ZNF641: variants seen among roughly 807,000 people sequenced by gnomAD.
ZNF641 encodes the protein zinc finger protein 641.
In ZNF641, 26 loss-of-function variants were observed where a neutral mutation model predicts 46.2. The ratio of observed to expected loss-of-function variants is 0.56; its 90% CI spans 0.41 to 0.78. The LOEUF (loss-of-function observed/expected upper bound fraction) is 0.78, where lower values mean the gene tolerates loss of function less well. Among genes scored for constraint, ZNF641 ranks in the 30% least tolerant of loss-of-function variants. ZNF641 has a pLI of 0.00. For missense variants in ZNF641, 469 were observed against 517.8 expected (o/e 0.91, Z 0.91); for synonymous variants, 163 against 187.9 (o/e 0.87, Z 1.09).
chr12:48,340,685 G>C lies in ZNF641; in HGVS notation c.*2288C>G. The stretch of plus-strand genomic sequence containing the variant: ...GCTTTGAACCTGCTAAATGTGTATG[G>C]AAAACTGAGTGAATTACAAATGTCT... On this transcript the variant is annotated 3_prime_UTR_variant, in exon 6 of 6. Coordinates refer to ENST00000547026, the MANE Select transcript of ZNF641 (RefSeq NM_001172681.2). The C allele has an allele frequency of 1.0e-6, 1 of 985,448 alleles. No individual in the cohort carries two copies. Among genetic ancestry groups the C allele is most frequent in the Non-Finnish European group, 1.2e-6 (1 of 829,942 alleles). 61.0% of individuals were successfully genotyped at this position (985,448 alleles called of 1,614,324 possible). A position where few individuals can be genotyped will look rare whatever the true frequency, so the allele number is the denominator to read the frequency against.
chr12:48,351,008 T>TGGGAGGGAGAGGAGTGGGA (rs1376050608), upstream of ZNF641: 1 of 93,452 alleles, frequency 1.1e-5, no homozygotes, highest in Non-Finnish European at 2.1e-5. Context: ...GGGAGAGGAG[T>TGGGAGGGAGAGGAGTGGGA]GGGAGGGAGA....
chr12:48,342,908 C>A lies in ZNF641; in HGVS notation c.*65G>T. ...CCACTGGGGTTCAGGAGAACGGCAG[C>A]CCTGGCAGTGACTCCTGGTAGCACC... On this transcript the variant is annotated 3_prime_UTR_variant, in exon 6 of 6. Coordinates refer to ENST00000547026, the MANE Select transcript of ZNF641 (RefSeq NM_001172681.2). 6.5e-7 allele frequency: 1 copy of A among 1,536,104 alleles called. No homozygotes were observed. Among genetic ancestry groups the A allele is most frequent in the Admixed American group, 1.9e-5 (1 of 51,324 alleles).
chr12:48,345,652 A>T (rs1434582529), intron 3 of ZNF641, among the ~76,000 whole-genome samples, 178 bp from the exon 4 acceptor site: 1 of 152,156 alleles, frequency 6.6e-6, no homozygotes, highest in African/African-American at 2.4e-5. Context: ...AGAGGAGTAA[A>T]GGTAGATGGT....
chr12:48,335,920 G>T (rs187618838), downstream of ZNF641, among the ~76,000 whole-genome samples: 18 of 152,260 alleles, frequency 1.2e-4, no homozygotes, highest in East Asian at 3.5e-3. Flanking sequence ...TCAATTCTTT[G>T]CTTTTCTTTT....
At position 48,340,055 on chromosome 12, in the gene ZNF641, G is replaced by C. The variant is rs578100238; in HGVS notation, c.*2918C>G. On this transcript the variant is annotated 3_prime_UTR_variant, in exon 6 of 6. Transcript: ENST00000547026. ...ACACAGAGATTCTTTTTATTTAAAG[G>C]GGACGGGGTGAAACATGAACATTTG... 1 of 985,296 alleles carries C rather than the reference G, an allele frequency of 1.0e-6. No homozygotes were observed. Among genetic ancestry groups the C allele is most frequent in the African/African-American group, 1.7e-5 (1 of 57,234 alleles). The allele number at this position is 985,296 out of a possible 1,614,324, so 61.0% of individuals were successfully genotyped here.
chr12:48,350,217 A>T (rs964253196), intron 1 of ZNF641: 12 of 1,488,924 alleles, frequency 8.1e-6, no homozygotes, highest in African/African-American at 1.4e-5. Context: ...GTAGCAAGGG[A>T]CCTGCAAAAG....
intron 1 of ZNF641, among the ~76,000 whole-genome samples, chr12:48,348,772 T>A (rs374620799): frequency 6.6e-6 from 1 of 152,110 alleles, no homozygotes; most frequent in South Asian, 2.1e-4. Context: ...TCCAAAGTAA[T>A]CCTAAGAGGT....
chr12:48,347,805 T>C, intron 2 of ZNF641, 102 bp downstream of exon 2: 1 of 1,121,030 alleles, frequency 8.9e-7, no homozygotes. Context: ...GTACAGGTTA[T>C]GCTATTTAGT....
chr12:48,345,449 G>A lies in ZNF641; in HGVS notation c.302C>T (p.Ser101Leu). The A allele has an allele frequency of 6.2e-7, 1 of 1,614,204 alleles. No homozygotes were observed. The highest frequency in any genetic ancestry group is 1.1e-5 in the South Asian group (1 of 91,078). ...CCACTCCTCCTGAGAGAAGCACAGTGACACATCCTTGATGGTTACCAGGCC... is the reference window on the plus strand; with the variant it reads ...CCACTCCTCCTGAGAGAAGCACAGTAACACATCCTTGATGGTTACCAGGCC... ...SQGLVTIKDV[S>L]LCFSQEEWRS... is the part of the protein sequence containing the mutation. Residue 101 changes from serine (S) to leucine (L), a missense_variant, in exon 4 of 6, where the codon TCA (serine) becomes TTA (leucine). Physicochemically the swap from Ser to Leu is moderately radical, Grantham distance 145. Coordinates refer to ENST00000547026, the MANE Select transcript of ZNF641 (RefSeq NM_001172681.2).
chr12:48,347,115 G>T, intron 3 of ZNF641, 137 bp downstream of exon 3: 2 of 1,485,178 alleles, frequency 1.3e-6, no homozygotes, highest in Non-Finnish European at 1.8e-6. Flanking sequence ...CCTTGGAAAG[G>T]GATAGAATCT....
At chr12:48,350,028 AAAG>A in intron 1 of ZNF641, 2 of 1,614,218 alleles carry the variant, frequency 1.2e-6, no homozygotes, top group Non-Finnish European at 1.7e-6. Flanking sequence ...AAATCTCAGC[AAAG>A]GATGGGATGG....
chr12:48,345,643 G>A (rs1452068914), intron 3 of ZNF641, among the ~76,000 whole-genome samples, 169 bp from the exon 4 acceptor site: 1 of 152,216 alleles, frequency 6.6e-6, no homozygotes, highest in Non-Finnish European at 1.5e-5. Context: ...GAAATGAGGA[G>A]AGGAGTAAAG....
At position 48,341,568 on chromosome 12, in the gene ZNF641, T is replaced by G. The variant is rs1952718044; in HGVS notation, c.*1405A>C. On this transcript the variant is annotated 3_prime_UTR_variant, in exon 6 of 6. Coordinates refer to ENST00000547026, the MANE Select transcript of ZNF641 (RefSeq NM_001172681.2). ...GCCATTTTCCCTAAAGTTCTGTTTC[T>G]GGGAGAATGAGATCTTCAAGAATAA... The G allele has an allele frequency of 1.0e-6, 1 of 985,488 alleles. No homozygotes were observed. The allele number at this position is 985,488 out of a possible 1,614,324, so 61.0% of individuals were successfully genotyped here.
chr12:48,345,910 A>ATTT (rs11374696), intron 3 of ZNF641, among the ~76,000 whole-genome samples: 7 of 146,554 alleles, frequency 4.8e-5, no homozygotes, highest in Non-Finnish European at 6.0e-5. Flanking sequence ...TTGCCACAGC[A>ATTT]TTTTTTTTTT....
rs138245471 is a variant in ZNF641 at position 48,350,266 on chromosome 12, C to A, written c.-26+520G>T. 12 of 1,422,558 alleles carry A rather than the reference C, an allele frequency of 8.4e-6. No individual in the cohort carries two copies. In the East Asian group the frequency reaches 2.8e-4, roughly 33 times the overall value. 88.1% of individuals were successfully genotyped at this position (1,422,558 alleles called of 1,614,324 possible). On this transcript the variant is annotated intron_variant, in intron 1 of 5. Transcript: ENST00000547026. ...CCAGTGCTGATGAACAGAAAAGGGG[C>A]CATGTTATAAAAATGAGTAGCCCAA... is the stretch of plus-strand genomic sequence containing the variant.
At position 48,341,433 on chromosome 12, in the gene ZNF641, C is replaced by T. The variant is rs571833010; in HGVS notation, c.*1540G>A. 1.0e-6 allele frequency: 1 copy of T among 985,452 alleles called. No individual in the cohort carries two copies. The highest frequency in any genetic ancestry group is 1.1e-4 in the East Asian group (1 of 8,820). The allele number at this position is 985,452 out of a possible 1,614,324, so 61.0% of individuals were successfully genotyped here. On this transcript the variant is annotated 3_prime_UTR_variant, in exon 6 of 6. Transcript: ENST00000547026. ...CTCATTAGCTAACGATGCTAGAATACTTATGCAAGCCCTAGAGTTAAGGGT... is the reference window on the plus strand; with the variant it reads ...CTCATTAGCTAACGATGCTAGAATATTTATGCAAGCCCTAGAGTTAAGGGT...
Position 48,339,539 on chromosome 12 carries a change from T to G in ZNF641, c.*3434A>C, listed in dbSNP as rs1487618358. 6.6e-6 allele frequency: 1 copy of G among 151,932 alleles called. No individual in the cohort carries two copies. The highest frequency in any genetic ancestry group is 2.4e-5 in the African/African-American group (1 of 41,340). 9.4% of individuals were successfully genotyped at this position (151,932 alleles called of 1,614,324 possible). On this transcript the variant is annotated 3_prime_UTR_variant, in exon 6 of 6. Coordinates refer to ENST00000547026, the MANE Select transcript of ZNF641 (RefSeq NM_001172681.2). ...TGGCTCACAAGGGAAAAGAGGAAAA[T>G]TTTGCTAGCTCAGGCTCTCTAAGGA...
chr12:48,348,843 A>G (rs1245446186), intron 1 of ZNF641, among the ~76,000 whole-genome samples: 1 of 152,224 alleles, frequency 6.6e-6, no homozygotes, highest in African/African-American at 2.4e-5. Flanking sequence ...AAAGGAACAG[A>G]AAGAGTTTGA....
At chr12:48,350,957 G>A (rs1953019822), upstream of ZNF641, 2 of 663,110 alleles carry the variant, frequency 3.0e-6, no homozygotes, top group Non-Finnish European at 3.7e-6. Context: ...ATCCCCGCCC[G>A]CTTCCGGGGC....
Sources: gnomAD v4.1 joint callset for allele counts (sites outside exome capture counted in the v4.1 genomes callset) on GRCh38, gnomAD v4.1.1 for gene constraint, MANE v1.5 for transcripts, NCBI Gene and HGNC (gene_info 2026-07-23, HGNC 2026-07-21) for gene names.